CDH20: variants seen among roughly 807,000 people sequenced by gnomAD.
CDH20 encodes the protein cadherin-20.
A neutral mutation model predicts 74.2 loss-of-function variants in CDH20; 29 were observed. That is an observed-to-expected ratio of 0.39 (90% CI 0.29 to 0.53). The LOEUF (loss-of-function observed/expected upper bound fraction) is 0.53, where lower values mean the gene tolerates loss of function less well. CDH20 is among the 20% of genes least tolerant of loss of function. The probability of loss-of-function intolerance (pLI) is 0.69; values close to 1 mark genes in which losing one functional copy is unlikely to be tolerated. For missense variants in CDH20, 988 were observed against 1,048.3 expected, an observed-to-expected ratio of 0.94 and a Z score of 0.79; for synonymous variants, 469 against 405.4, an observed-to-expected ratio of 1.16 and a Z score of -1.88.
chr18:61,406,907 A>T (rs1912348469), intron 1 of CDH20, among the ~76,000 whole-genome samples: 1 of 152,256 alleles, frequency 6.6e-6, no homozygotes, highest in Non-Finnish European at 1.5e-5. Flanking sequence ...GAAAGAAAGT[A>T]ATCTTATTAT....
At chr18:61,487,957 A>C (rs2144291221) in intron 1 of CDH20, among the ~76,000 whole-genome samples, 1 of 152,286 alleles carries the variant, frequency 6.6e-6, no homozygotes, top group South Asian at 2.1e-4. Context: ...ATGCACAGGC[A>C]CTCTTAGATT....
chr18:61,353,504 T>C lies in CDH20; in HGVS notation c.-153+19677T>C, dbSNP rs1024143853. ...CTACTTGTGGTCCTCTTGTTTTTTC[T>C]AGAAGATGATCTGTAATTGTATAGA... On this transcript the variant is annotated intron_variant, in intron 1 of 11. Transcript: ENST00000262717. The surrounding 1 kb of genome is among the most constrained non-coding windows in gnomAD (Gnocchi z 4.6). Among the ~76,000 whole-genome samples, 3 of 152,266 alleles carry C rather than the reference T, an allele frequency of 2.0e-5. No homozygotes were observed. The highest frequency in any genetic ancestry group is 4.4e-5 in the Non-Finnish European group (3 of 68,050).
intron 1 of CDH20, among the ~76,000 whole-genome samples, chr18:61,413,018 A>G (rs187601378): frequency 1.6e-4 from 24 of 152,240 alleles, no homozygotes; most frequent in African/African-American, 5.3e-4. Flanking sequence ...TAACAACAAC[A>G]AAAAATGAAG....
chr18:61,482,506 G>A (rs1910623252), intron 1 of CDH20, among the ~76,000 whole-genome samples: 1 of 151,950 alleles, frequency 6.6e-6, no homozygotes, highest in South Asian at 2.1e-4. Flanking sequence ...AATTTTCCCT[G>A]GACTCTTAAC....
intron 2 of CDH20, among the ~76,000 whole-genome samples, chr18:61,498,507 A>G (rs1911251496): frequency 6.6e-6 from 1 of 152,184 alleles, no homozygotes; most frequent in African/African-American, 2.4e-5. Context: ...TAAGTGACTC[A>G]GTTATGAACC....
intron 1 of CDH20, among the ~76,000 whole-genome samples, chr18:61,469,374 C>T (rs1910078865): frequency 6.8e-6 from 1 of 146,586 alleles, no homozygotes; most frequent in East Asian, 1.9e-4. Context: ...TACACACACA[C>T]ACACACACAC....
At chr18:61,479,923 T>G (rs1218710900) in intron 1 of CDH20, among the ~76,000 whole-genome samples, 1 of 152,174 alleles carries the variant, frequency 6.6e-6, no homozygotes, top group African/African-American at 2.4e-5. Flanking sequence ...GAATTTCTCA[T>G]TAGTAATACT....
At chr18:61,386,105 C>T (rs1911590786) in intron 1 of CDH20, among the ~76,000 whole-genome samples, 1 of 152,100 alleles carries the variant, frequency 6.6e-6, no homozygotes, top group Non-Finnish European at 1.5e-5. Flanking sequence ...GCAACAATTA[C>T]TTGTAAAAGG....
intron 1 of CDH20, among the ~76,000 whole-genome samples, chr18:61,411,425 A>G (rs1050145584): frequency 6.6e-6 from 1 of 152,128 alleles, no homozygotes; most frequent in Non-Finnish European, 1.5e-5. Flanking sequence ...GAAGAAATGA[A>G]GTGGTTATAT....
At chr18:61,470,579 C>T (rs757416720) in intron 1 of CDH20, among the ~76,000 whole-genome samples, 4 of 147,390 alleles carry the variant, frequency 2.7e-5, no homozygotes, top group Non-Finnish European at 4.5e-5. Context: ...CACGCCTTAA[C>T]GGGAAAAAGA....
intron 7 of CDH20, among the ~76,000 whole-genome samples, chr18:61,536,238 C>G (rs529833485): frequency 6.6e-6 from 1 of 152,310 alleles, no homozygotes; most frequent in South Asian, 2.1e-4. Context: ...TAGCTTACAA[C>G]TTCCCCAAGA....
intron 1 of CDH20, among the ~76,000 whole-genome samples, chr18:61,410,513 T>C (rs932670031): frequency 6.6e-6 from 1 of 152,162 alleles, no homozygotes; most frequent in Non-Finnish European, 1.5e-5. Flanking sequence ...CAATTTTGCT[T>C]GAGGAAGTAA....
chr18:61,538,106 G>T (rs1649057860), intron 8 of CDH20, among the ~76,000 whole-genome samples: 1 of 152,158 alleles, frequency 6.6e-6, no homozygotes, highest in South Asian at 2.1e-4. Context: ...TGGATTTGGT[G>T]TGTGTTTGAT....
intron 1 of CDH20, among the ~76,000 whole-genome samples, chr18:61,446,673 T>C (rs930665984): frequency 3.9e-5 from 6 of 152,180 alleles, no homozygotes; most frequent in African/African-American, 1.4e-4. Context: ...CTAATCCCCC[T>C]AATTACCTTT....
chr18:61,496,249 G>A (rs1384602730), intron 2 of CDH20, among the ~76,000 whole-genome samples: 1 of 59,840 alleles, frequency 1.7e-5, no homozygotes, highest in African/African-American at 6.9e-5. Flanking sequence ...CTTTCTCCCC[G>A]CCTTCTCCCT....
At chr18:61,380,855 C>A (rs34257812) in intron 1 of CDH20, among the ~76,000 whole-genome samples, 10,532 of 152,212 alleles carry the variant, frequency 0.069, 457 homozygotes, top group Non-Finnish European at 0.1. Flanking sequence ...AAAGTCAGCA[C>A]AGAAATACTT....
At chr18:61,504,331 C>G (rs1421260654) in intron 5 of CDH20, among the ~76,000 whole-genome samples, 2 of 152,172 alleles carry the variant, frequency 1.3e-5, no homozygotes, top group Non-Finnish European at 2.9e-5. Context: ...AATGAGGAAA[C>G]ATGGACTTCT....
Position 61,527,993 on chromosome 18 carries a change from C to A in CDH20, c.1044C>A (p.Ser348Arg). The A allele has an allele frequency of 6.2e-7, 1 of 1,614,058 alleles. No individual in the cohort carries two copies. Among genetic ancestry groups the A allele is most frequent in the African/African-American group, 1.3e-5 (1 of 75,040 alleles). ...KKPLSFESKK[S>R]YTLKVEGANP... ...CCCTGAGTTTTGAAAGCAAGAAAAG[C>A]TACACCTTAAAGGTGGAGGGAGCCA... Residue 348 changes from serine to arginine, a missense_variant, in exon 7 of 12, where the codon AGC (serine) becomes AGA (arginine). Physicochemically the swap from Ser to Arg is moderately radical, Grantham distance 110. Around this residue, in one of 2 missense-constraint regions of CDH20, gnomAD observed 613 missense variants for 755.2 expected, o/e 0.81. Coordinates refer to ENST00000262717, the MANE Select transcript of CDH20 (RefSeq NM_031891.4).
At chr18:61,342,248 A>T (rs1290365013) in intron 1 of CDH20, among the ~76,000 whole-genome samples, 1 of 152,206 alleles carries the variant, frequency 6.6e-6, no homozygotes, top group African/African-American at 2.4e-5. Context: ...GAGCAAAAAA[A>T]TAAATAAATA....
Sources: gnomAD v4.1 joint callset for allele counts (sites outside exome capture counted in the v4.1 genomes callset) on GRCh38, gnomAD v4.1.1 for gene constraint, gnomAD v4.1.1 regional missense constraint, Gnocchi (gnomAD v3.1) non-coding constraint, MANE v1.5 for transcripts, NCBI Gene and HGNC (gene_info 2026-07-23, HGNC 2026-07-21) for gene names.